CSMD3: variants seen among roughly 807,000 people sequenced by gnomAD.
The protein encoded by CSMD3 is CUB and Sushi multiple domains 3, also known as CUB and sushi domain-containing protein 3.
A neutral mutation model predicts 435.2 loss-of-function variants in CSMD3; 177 were observed. That is an observed-to-expected ratio of 0.41 (90% CI 0.36 to 0.46). The LOEUF (loss-of-function observed/expected upper bound fraction) is 0.46. Among genes scored for constraint, CSMD3 ranks in the 20% least tolerant of loss-of-function variants. The probability of loss-of-function intolerance (pLI) is 0.34; values close to 1 mark genes in which losing one functional copy is unlikely to be tolerated. For synonymous variants in CSMD3, 1,656 were observed against 1,520.5 expected, an observed-to-expected ratio of 1.09 and a Z score of -2.07; for missense variants, 4,265 against 4,504.6, an observed-to-expected ratio of 0.95 and a Z score of 1.52.
chr8:113,218,466 C>T (rs375516020), intron 3 of CSMD3, among the ~76,000 whole-genome samples: 27 of 94,828 alleles, frequency 2.8e-4, no homozygotes, highest in Non-Finnish European at 6.4e-4. Flanking sequence ...TAAAGTGCTA[C>T]AAAAAAAAAA....
intron 35 of CSMD3, among the ~76,000 whole-genome samples, chr8:112,401,237 T>A (rs896577670): frequency 2.0e-5 from 3 of 152,084 alleles, no homozygotes; most frequent in Non-Finnish European, 4.4e-5. Context: ...ATAAAATTTA[T>A]AGTCTCATAT....
chr8:112,428,432 A>C (rs1219423057), intron 32 of CSMD3, among the ~76,000 whole-genome samples: 2 of 152,162 alleles, frequency 1.3e-5, no homozygotes. Flanking sequence ...GGAAAAAAAC[A>C]AGAAAACCTG....
At chr8:112,494,395 TTTTTCTTTTC>T (rs770249659) in intron 30 of CSMD3, among the ~76,000 whole-genome samples, 4 of 150,782 alleles carry the variant, frequency 2.7e-5, no homozygotes, top group African/African-American at 7.3e-5. Flanking sequence ...TACTATTTTC[TTTTTCTTTTC>T]TTTTCTTTTC....
At chr8:112,622,046 G>C (rs1184981783) in intron 22 of CSMD3, among the ~76,000 whole-genome samples, 2 of 152,068 alleles carry the variant, frequency 1.3e-5, no homozygotes, top group Non-Finnish European at 2.9e-5. Context: ...AGCAGTGGAA[G>C]AACACATAAA....
chr8:112,851,262 C>T lies in CSMD3; in HGVS notation c.1755+7883G>A, dbSNP rs544986016. On this transcript the variant is annotated intron_variant, in intron 11 of 70. Coordinates refer to ENST00000297405, the MANE Select transcript of CSMD3 (RefSeq NM_198123.2). Reference sequence around the variant, plus strand: ...GATTGAAGTCCCCTCCAGGACCACCCGGAATGGCAGAAAGGTAGTTTTTTG... The same window carrying T: ...GATTGAAGTCCCCTCCAGGACCACCTGGAATGGCAGAAAGGTAGTTTTTTG... Among the ~76,000 whole-genome samples, 10 of 152,068 alleles carry T rather than the reference C, an allele frequency of 6.6e-5. No individual in the cohort carries two copies. In the South Asian group the frequency reaches 8.3e-4, roughly 13 times the overall value.
chr8:112,373,285 C>T (rs1828616876), intron 38 of CSMD3, among the ~76,000 whole-genome samples: 1 of 151,926 alleles, frequency 6.6e-6, no homozygotes. Flanking sequence ...GTGATTTCCC[C>T]ACTGTGATTC....
intron 21 of CSMD3, 28 bp downstream of exon 21, chr8:112,638,668 T>A: frequency 1.5e-6 from 2 of 1,334,846 alleles, no homozygotes; most frequent in Non-Finnish European, 2.2e-6. Context: ...AGTTACTGAA[T>A]GAGCCCTTTT....
chr8:112,262,649 G>A (rs1816531758), intron 61 of CSMD3, among the ~76,000 whole-genome samples: 1 of 151,950 alleles, frequency 6.6e-6, no homozygotes, highest in African/African-American at 2.4e-5. Flanking sequence ...AAAAGCTGAA[G>A]GAATAAAAGG....
chr8:112,749,315 C>A (rs1259226621), intron 13 of CSMD3, among the ~76,000 whole-genome samples: 2 of 152,088 alleles, frequency 1.3e-5, no homozygotes, highest in East Asian at 1.9e-4. Context: ...TTGATAGATT[C>A]TTTTGTTGTG....
intron 29 of CSMD3, among the ~76,000 whole-genome samples, chr8:112,506,010 G>C (rs1298792682): frequency 1.3e-5 from 2 of 152,044 alleles, no homozygotes; most frequent in African/African-American, 4.8e-5. Context: ...CCGTATTGAT[G>C]TTTCCTCAAT....
rs73702258 is a variant in CSMD3, at chr8:112,918,319, G to T, written c.1633+3308C>A. Among the ~76,000 whole-genome samples the T allele has an allele frequency of 8.3e-3, 1,254 of 151,704 alleles. 23 individuals are homozygous for T. Among genetic ancestry groups the T allele is most frequent in the African/African-American group, 0.029 (1,199 of 41,416 alleles). Reference sequence around the variant, plus strand: ...GTTTTTAGTATTTTCCCATTTCATTGTCTTCTTTTCTCATCCTCCCTTAAT... The same window carrying T: ...GTTTTTAGTATTTTCCCATTTCATTTTCTTCTTTTCTCATCCTCCCTTAAT... On this transcript the variant is annotated intron_variant, in intron 10 of 70. Coordinates refer to ENST00000297405, the MANE Select transcript of CSMD3 (RefSeq NM_198123.2).
intron 3 of CSMD3, among the ~76,000 whole-genome samples, chr8:113,271,429 G>A (rs555613060): frequency 6.6e-5 from 10 of 152,222 alleles, no homozygotes; most frequent in East Asian, 1.9e-4. Flanking sequence ...GGTGCTCTGC[G>A]TCCCAGCTGC....
At chr8:112,666,835 C>G (rs1199129837) in intron 16 of CSMD3, among the ~76,000 whole-genome samples, 1 of 152,064 alleles carries the variant, frequency 6.6e-6, no homozygotes, top group Admixed American at 6.6e-5. Flanking sequence ...TTTGTGCTTC[C>G]ATTTTCCAGA....
intron 30 of CSMD3, among the ~76,000 whole-genome samples, chr8:112,495,193 A>C (rs1172002689): frequency 6.6e-6 from 1 of 152,242 alleles, no homozygotes; most frequent in Non-Finnish European, 1.5e-5. Context: ...GGAAAACGCA[A>C]TGTAATTTTT....
intron 22 of CSMD3, among the ~76,000 whole-genome samples, chr8:112,634,735 T>G (rs1166748136): frequency 6.6e-6 from 1 of 152,020 alleles, no homozygotes; most frequent in Non-Finnish European, 1.5e-5. Flanking sequence ...ATTTTTTAAA[T>G]GTACATGTAA....
At chr8:112,468,062 G>A (rs1189208410) in intron 32 of CSMD3, among the ~76,000 whole-genome samples, 1 of 152,086 alleles carries the variant, frequency 6.6e-6, no homozygotes, top group Non-Finnish European at 1.5e-5. Context: ...GAGAGATAGA[G>A]GTGGGAGAAT....
chr8:113,153,128 A>AAAGAAAGAAAGAAAGAAAGAAAGAAAGGG (rs2091858340), intron 4 of CSMD3, among the ~76,000 whole-genome samples: 2 of 123,846 alleles, frequency 1.6e-5, no homozygotes, highest in South Asian at 5.8e-4. Context: ...AAAGAAAGAG[A>AAAGAAAGAAAGAAAGAAAGAAAGAAAGGG]AAGAAGGAAG....
intron 10 of CSMD3, among the ~76,000 whole-genome samples, chr8:112,866,055 C>T (rs2080972788): frequency 6.6e-6 from 1 of 152,132 alleles, no homozygotes; most frequent in African/African-American, 2.4e-5. Flanking sequence ...CTACTGCCTG[C>T]TGTTCTAAGG....
At chr8:113,277,995 C>T (rs1234547726) in intron 3 of CSMD3, among the ~76,000 whole-genome samples, 1 of 151,814 alleles carries the variant, frequency 6.6e-6, no homozygotes, top group African/African-American at 2.4e-5. Flanking sequence ...CCACACTAAG[C>T]GTGATAAATA....
Sources: gnomAD v4.1 joint callset for allele counts (sites outside exome capture counted in the v4.1 genomes callset) on GRCh38, gnomAD v4.1.1 for gene constraint, MANE v1.5 for transcripts, NCBI Gene and HGNC (gene_info 2026-07-23, HGNC 2026-07-21) for gene names.